ZBTB44: variants seen among roughly 807,000 people sequenced by gnomAD.
ZBTB44 encodes zinc finger and BTB domain-containing protein 44.
Under a neutral mutation model 54.0 loss-of-function variants are expected in ZBTB44, and 15 were observed. That is an observed-to-expected ratio of 0.28 (90% CI 0.19 to 0.43). ZBTB44 has a LOEUF of 0.43. ZBTB44 is among the 20% of genes least tolerant of loss of function. ZBTB44 has a pLI of 1.00. For synonymous variants in ZBTB44, 230 were observed against 250.1 expected (o/e 0.92, Z 0.76); for missense variants, 487 against 707.1 (o/e 0.69, Z 3.53).
At position 130,237,000 on chromosome 11, in the gene ZBTB44, C is replaced by A. The variant is rs753105168; in HGVS notation, c.1361G>T (p.Cys454Phe). ...MHRLKHEGKR[C>F]FRCQICSATF... ...GGCACTACATATCTGGCACCGGAAA[C>A]AGCGTTTACCTTCATGCTTTAGGCG... Residue 454 changes from cysteine (C) to phenylalanine (F), a missense_variant, in exon 5 of 8, where the codon TGT becomes TTT. Coordinates refer to ENST00000357899, the MANE Select transcript of ZBTB44 (RefSeq NM_001301098.2). 6.2e-7 allele frequency: 1 copy of A among 1,612,172 alleles called. No homozygotes were observed. The highest frequency in any genetic ancestry group is 8.5e-7 in the Non-Finnish European group (1 of 1,179,166).
intron 1 of ZBTB44, among the ~76,000 whole-genome samples, chr11:130,300,839 T>G (rs1471885976): frequency 6.6e-6 from 1 of 152,134 alleles, no homozygotes; most frequent in Non-Finnish European, 1.5e-5. Flanking sequence ...GTGAAAACTG[T>G]GAGTAAAGAT....
chr11:130,306,285 C>T (rs1287552595), intron 1 of ZBTB44, among the ~76,000 whole-genome samples: 2 of 151,890 alleles, frequency 1.3e-5, no homozygotes, highest in Admixed American at 6.6e-5. Context: ...GGCGGATCAC[C>T]TGAGGTCGGG....
chr11:130,252,433 A>T (rs1376335192), intron 2 of ZBTB44, among the ~76,000 whole-genome samples: 1 of 152,234 alleles, frequency 6.6e-6, no homozygotes, highest in Non-Finnish European at 1.5e-5. Context: ...GACCTAATAG[A>T]CAGCTATAGA....
intron 2 of ZBTB44, among the ~76,000 whole-genome samples, chr11:130,251,227 T>C (rs775959703): frequency 6.6e-6 from 1 of 150,392 alleles, no homozygotes; most frequent in Non-Finnish European, 1.5e-5. Flanking sequence ...AAATGAGGCA[T>C]GAAGACAGGA....
chr11:130,283,631 C>T lies in ZBTB44; in HGVS notation c.-56-21702G>A, dbSNP rs567762548. On this transcript the variant is annotated intron_variant, in intron 1 of 7. Coordinates refer to ENST00000357899, the MANE Select transcript of ZBTB44 (RefSeq NM_001301098.2). ...TCATTTTAAAAAATTAAGCTTTATT[C>T]GACAATGAGAAGGCATCTTGATTTT... Among the ~76,000 whole-genome samples the T allele has an allele frequency of 2.6e-3, 402 of 152,046 alleles. 1 individual carries two copies. Among genetic ancestry groups the T allele is most frequent in the African/African-American group, 4.0e-3 (165 of 41,458 alleles).
intron 1 of ZBTB44, among the ~76,000 whole-genome samples, chr11:130,267,924 T>C (rs1196918967): frequency 6.6e-6 from 1 of 151,542 alleles, no homozygotes; most frequent in Non-Finnish European, 1.5e-5. Context: ...ATACAAAAAA[T>C]TAGCCGGGTG....
rs1325682171 is a variant in ZBTB44, at chr11:130,227,690, A to G, written c.*4074T>C. On this transcript the variant is annotated 3_prime_UTR_variant, in exon 8 of 8. Transcript: ENST00000357899. ...CCAGTTTTTAAATGGAGCCAGCTTTATGTTAGCCCTGTAAAATATTGAGCT... is the reference window on the plus strand; with the variant it reads ...CCAGTTTTTAAATGGAGCCAGCTTTGTGTTAGCCCTGTAAAATATTGAGCT... The G allele has an allele frequency of 6.6e-6, 1 of 152,208 alleles. No individual in the cohort carries two copies. The highest frequency in any genetic ancestry group is 1.9e-4 in the East Asian group (1 of 5,200). 9.4% of individuals were successfully genotyped at this position (152,208 alleles called of 1,614,324 possible).
In ZBTB44 at chr11:130,261,374, C is replaced by T; in HGVS notation, c.500G>A (p.Cys167Tyr). ...AGGAATGGTTCTTTCTACCACACTG[C>T]ACTCTGAGGACACGGGAGAAATGCT... ...DGSISPVSSECSVVERTIPVC... is the reference protein window; with the variant it reads ...DGSISPVSSEYSVVERTIPVC... The change falls in exon 2 of 8, where the codon TGC becomes TAC. Residue 167 changes from cysteine to tyrosine, a missense_variant. Coordinates refer to ENST00000357899, the MANE Select transcript of ZBTB44 (RefSeq NM_001301098.2). This position sits in a 1 kb window ranked among gnomAD's most constrained non-coding sequence, Gnocchi z 4.8. 1 of 1,613,960 alleles carries T rather than the reference C, an allele frequency of 6.2e-7. No individual in the cohort carries two copies. Among genetic ancestry groups the T allele is most frequent in the Non-Finnish European group, 8.5e-7 (1 of 1,179,886 alleles).
chr11:130,285,747 T>C (rs190973381), intron 1 of ZBTB44: 3 of 229,142 alleles, frequency 1.3e-5, no homozygotes, highest in Admixed American at 1.2e-4. Context: ...TAGTATTTGT[T>C]CCCAAACCAG....
intron 2 of ZBTB44, among the ~76,000 whole-genome samples, chr11:130,247,130 G>A (rs904790851): frequency 6.6e-6 from 1 of 152,024 alleles, no homozygotes; most frequent in Non-Finnish European, 1.5e-5. Context: ...GCCAAATCCT[G>A]CGCTAAGGCC....
At chr11:130,306,902 A>T (rs1942296171) in intron 1 of ZBTB44, among the ~76,000 whole-genome samples, 1 of 152,046 alleles carries the variant, frequency 6.6e-6, no homozygotes. Flanking sequence ...GAAGGGTGCA[A>T]GTGGGGTGAG....
At chr11:130,233,875 A>C (rs2136259583) in intron 6 of ZBTB44, 12 of 1,151,306 alleles carry the variant, frequency 1.0e-5, no homozygotes, top group African/African-American at 1.6e-5. Context: ...ATTCTTTCCC[A>C]ATCTCCCCCT....
rs17139171 is a variant in ZBTB44, at chr11:130,261,367, C to A, written c.507G>T (p.Val169=). Residue 169 remains valine (V), a synonymous_variant, in exon 2 of 8, where the codon GTG becomes GTT. Transcript: ENST00000357899. This position sits in a 1 kb window ranked among gnomAD's most constrained non-coding sequence, Gnocchi z 4.8. The part of the protein sequence containing the change: ...SISPVSSECS[V]VERTIPVCRE... The stretch of plus-strand genomic sequence containing the variant: ...GGCAGACAGGAATGGTTCTTTCTAC[C>A]ACACTGCACTCTGAGGACACGGGAG... 0.018 allele frequency: 28,700 copies of A among 1,613,896 alleles called. 751 individuals carry two copies. Among genetic ancestry groups the A allele is most frequent in the African/African-American group, 0.12 (8,874 of 74,992 alleles).
At chr11:130,249,476 C>T (rs1178032691) in intron 2 of ZBTB44, among the ~76,000 whole-genome samples, 2 of 152,150 alleles carry the variant, frequency 1.3e-5, no homozygotes, top group Non-Finnish European at 2.9e-5. Flanking sequence ...ACATTATTTC[C>T]CCCAGAAAGA....
At chr11:130,231,808 T>C (rs182571307) in intron 7 of ZBTB44, 93 bp from the exon 8 acceptor site, 4 of 152,220 alleles carry the variant, frequency 2.6e-5, no homozygotes, top group Non-Finnish European at 5.9e-5. Context: ...TTGCTAGGCC[T>C]AACAGTTTTC....
chr11:130,273,242 G>C (rs959799810), intron 1 of ZBTB44, among the ~76,000 whole-genome samples: 1 of 151,554 alleles, frequency 6.6e-6, no homozygotes, highest in Non-Finnish European at 1.5e-5. Context: ...TAAGTTTTCA[G>C]AGTATGAGTT....
chr11:130,269,368 T>C (rs1204999946), intron 1 of ZBTB44, among the ~76,000 whole-genome samples: 1 of 152,180 alleles, frequency 6.6e-6, no homozygotes, highest in Non-Finnish European at 1.5e-5. Context: ...AATTTGGAGG[T>C]CATTTAAAAT....
At chr11:130,305,995 AC>A (rs1942246231) in intron 1 of ZBTB44, among the ~76,000 whole-genome samples, 1 of 152,250 alleles carries the variant, frequency 6.6e-6, no homozygotes, top group African/African-American at 2.4e-5. Flanking sequence ...GCCAACAAAC[AC>A]ATGAAAAAAT....
intron 1 of ZBTB44, among the ~76,000 whole-genome samples, chr11:130,281,586 G>A (rs952909894): frequency 6.6e-5 from 10 of 150,712 alleles, no homozygotes; most frequent in Non-Finnish European, 5.9e-5. Flanking sequence ...TAGTTTTATT[G>A]TTGTTGTTGT....
Sources: allele counts gnomAD v4.1 joint callset (sites outside exome capture counted in the v4.1 genomes callset), GRCh38; gene constraint gnomAD v4.1.1; non-coding constraint Gnocchi (gnomAD v3.1); transcripts MANE v1.5; gene names NCBI Gene and HGNC (gene_info 2026-07-23, HGNC 2026-07-21).